SCFD2: variants seen among roughly 807,000 people sequenced by gnomAD.
The protein encoded by SCFD2 is sec1 family domain-containing protein 2.
Under a neutral mutation model 58.9 loss-of-function variants are expected in SCFD2, and 54 were observed. The ratio of observed to expected loss-of-function variants is 0.92; its 90% CI spans 0.74 to 1.15. The LOEUF (loss-of-function observed/expected upper bound fraction) is 1.15. Among genes scored for constraint, SCFD2 ranks in the 50% most tolerant of loss-of-function variants. The pLI is 0.00. For missense variants in SCFD2, 805 were observed against 836.6 expected (o/e 0.96, Z 0.47); for synonymous variants, 321 against 335.9 (o/e 0.96, Z 0.49).
At chr4:53,344,211 GC>G (rs1028203054) in intron 2 of SCFD2, among the ~76,000 whole-genome samples, 10 of 152,082 alleles carry the variant, frequency 6.6e-5, no homozygotes, top group African/African-American at 2.4e-4. Context: ...CATCATCTCA[GC>G]CCAAAATCTC....
intron 4 of SCFD2, among the ~76,000 whole-genome samples, chr4:53,240,149 T>G (rs146767757): frequency 7.0e-4 from 107 of 152,298 alleles, no homozygotes; most frequent in Non-Finnish European, 1.3e-3. Flanking sequence ...TCCAGTGGTT[T>G]TGCCAACACA....
chr4:53,020,629 T>C (rs1722324279), intron 5 of SCFD2, among the ~76,000 whole-genome samples: 1 of 152,190 alleles, frequency 6.6e-6, no homozygotes, highest in Non-Finnish European at 1.5e-5. Flanking sequence ...ACTAGATAGC[T>C]GTTCAGCACA....
At chr4:53,329,097 C>A (rs1346205780) in intron 2 of SCFD2, among the ~76,000 whole-genome samples, 1 of 152,216 alleles carries the variant, frequency 6.6e-6, no homozygotes, top group Non-Finnish European at 1.5e-5. Context: ...GGGTCCTACG[C>A]CCACAGAGTC....
intron 5 of SCFD2, among the ~76,000 whole-genome samples, chr4:52,983,543 AAAAT>A (rs200890737): frequency 2.3e-3 from 348 of 152,358 alleles, no homozygotes; most frequent in East Asian, 8.9e-3. Flanking sequence ...ACTTAAATAA[AAAAT>A]AAATAAATAA....
At chr4:53,108,820 C>T (rs1725082474) in intron 5 of SCFD2, among the ~76,000 whole-genome samples, 1 of 152,174 alleles carries the variant, frequency 6.6e-6, no homozygotes. Context: ...CCTTCTGAAA[C>T]TATTCCAAAC....
chr4:53,301,315 T>C (rs1361541714), intron 3 of SCFD2, among the ~76,000 whole-genome samples: 1 of 152,104 alleles, frequency 6.6e-6, no homozygotes. Context: ...GAGAATACTA[T>C]AAACACCTCT....
intron 4 of SCFD2, among the ~76,000 whole-genome samples, chr4:53,253,024 A>T (rs1730456407): frequency 6.6e-6 from 1 of 152,228 alleles, no homozygotes; most frequent in Admixed American, 6.5e-5. Context: ...TCTACAGTGA[A>T]CTCAAACACA....
intron 4 of SCFD2, among the ~76,000 whole-genome samples, chr4:53,249,567 T>C (rs1461097286): frequency 5.3e-5 from 8 of 152,178 alleles, no homozygotes. Context: ...AAGGTCAGGT[T>C]ACCCACAAAG....
chr4:52,907,704 C>T, intron 6 of SCFD2, 113 bp from the exon 7 acceptor site: 1 of 857,994 alleles, frequency 1.2e-6, no homozygotes, highest in Non-Finnish European at 1.9e-6. Flanking sequence ...TGAGCAATGC[C>T]TATATGTGTG....
chr4:53,169,984 G>A (rs79005007), intron 4 of SCFD2, among the ~76,000 whole-genome samples: 132 of 152,160 alleles, frequency 8.7e-4, no homozygotes, highest in African/African-American at 2.9e-3. Context: ...TCTCTAGGTC[G>A]CTTCTTCACT....
chr4:53,337,396 A>T (rs538237448), intron 2 of SCFD2, among the ~76,000 whole-genome samples: 1 of 152,210 alleles, frequency 6.6e-6, no homozygotes, highest in Non-Finnish European at 1.5e-5. Context: ...TCACACTCTG[A>T]GGTACAGGGC....
intron 7 of SCFD2, among the ~76,000 whole-genome samples, chr4:52,890,654 C>T (rs1045150371): frequency 6.6e-6 from 1 of 152,114 alleles, no homozygotes; most frequent in Non-Finnish European, 1.5e-5. Flanking sequence ...AAAGCAAGTC[C>T]GAGTCACTGT....
intron 4 of SCFD2, among the ~76,000 whole-genome samples, chr4:53,251,291 T>A (rs1240691373): frequency 6.6e-6 from 1 of 152,132 alleles, no homozygotes; most frequent in Non-Finnish European, 1.5e-5. Flanking sequence ...CACAGCCGAA[T>A]TCTACCAGAG....
At chr4:53,164,928 T>C (rs1334867803) in intron 4 of SCFD2, among the ~76,000 whole-genome samples, 2 of 152,168 alleles carry the variant, frequency 1.3e-5, no homozygotes, top group Non-Finnish European at 2.9e-5. Flanking sequence ...GCTTCTCCCT[T>C]ACAAACGATT....
intron 7 of SCFD2, among the ~76,000 whole-genome samples, chr4:52,901,239 C>T (rs1577811990): frequency 1.3e-5 from 2 of 152,336 alleles, no homozygotes; most frequent in East Asian, 3.9e-4. Context: ...ATCACTCACG[C>T]TGGGAGCTGT....
At chr4:53,360,007 G>A (rs533234735) in intron 1 of SCFD2, among the ~76,000 whole-genome samples, 5 of 152,168 alleles carry the variant, frequency 3.3e-5, no homozygotes, top group Non-Finnish European at 7.3e-5. Context: ...ATCCACACTA[G>A]CATGCTTCTA....
chr4:53,352,691 T>C lies in SCFD2; in HGVS notation c.914A>G (p.Asn305Ser), dbSNP rs1251990133. ...SALPQLPGHT[N>S]DVMVNMIALT... ...CGCTATCATGTTAACCATCACATCA[T>C]TTGTGTGGCCTGGGAGCTGGGGAAG... Residue 305 changes from asparagine (N) to serine (S), a missense_variant, in exon 2 of 9, where the codon AAT becomes AGT. This residue lies in a region of SCFD2 where 633 missense variants were observed against 646.8 expected (regional missense o/e 0.98). Coordinates refer to ENST00000401642, the MANE Select transcript of SCFD2 (RefSeq NM_152540.4). 4 of 1,613,528 alleles carry C rather than the reference T, an allele frequency of 2.5e-6. No homozygotes were observed. Among genetic ancestry groups the C allele is most frequent in the African/African-American group, 1.3e-5 (1 of 74,910 alleles).
intron 5 of SCFD2, among the ~76,000 whole-genome samples, chr4:53,134,608 C>A (rs1725885793): frequency 6.6e-6 from 1 of 152,192 alleles, no homozygotes; most frequent in African/African-American, 2.4e-5. Flanking sequence ...ATTCGAGTAA[C>A]AGGAATCTCT....
At chr4:53,062,731 T>A (rs1374444579) in intron 5 of SCFD2, among the ~76,000 whole-genome samples, 1 of 152,156 alleles carries the variant, frequency 6.6e-6, no homozygotes, top group Admixed American at 6.6e-5. Context: ...TTTTATCCCA[T>A]CGTGATATAA....
Sources: gnomAD v4.1 joint callset for allele counts (sites outside exome capture counted in the v4.1 genomes callset) on GRCh38, gnomAD v4.1.1 for gene constraint, gnomAD v4.1.1 regional missense constraint, MANE v1.5 for transcripts, NCBI Gene and HGNC (gene_info 2026-07-23, HGNC 2026-07-21) for gene names.